The following COQ6 variants were observed in gnomAD, a reference collection of about 807,000 sequenced individuals.
COQ6 encodes ubiquinone biosynthesis monooxygenase COQ6, mitochondrial.
Under a neutral mutation model 55.5 loss-of-function variants are expected in COQ6, and 45 were observed. The observed-to-expected ratio is 0.81, with a 90% CI of 0.64 to 1.04. COQ6 has a LOEUF of 1.04. Among genes scored for constraint, COQ6 ranks in the 50% least tolerant of loss-of-function variants. COQ6 has a pLI of 0.00. For synonymous variants in COQ6, 206 were observed against 230.5 expected (o/e 0.89, Z 0.96); for missense variants, 550 against 601.3 (o/e 0.91, Z 0.89).
intron 5 of COQ6, 46 bp downstream of exon 5, chr14:73,958,323 C>G (rs909980926): frequency 5.0e-6 from 8 of 1,612,278 alleles, no homozygotes; most frequent in Non-Finnish European, 6.8e-6. Context: ...ATATCTACAT[C>G]TTATCCTAGA....
At position 73,954,843 on chromosome 14, in the gene COQ6, C is replaced by CAA. The variant is rs1216623718; in HGVS notation, c.299-590_299-589dup. Among the ~76,000 whole-genome samples the CAA allele has an allele frequency of 8.0e-4, 45 of 56,264 alleles. 2 individuals carry two copies. Among genetic ancestry groups the CAA allele is most frequent in the East Asian group, 1.7e-3 (4 of 2,414 alleles). 36.9% of individuals were successfully genotyped at this position (56,264 alleles called of 152,430 possible). ...TGGGCTACAGAGCGAGATTCCGTCT[C>CAA]AAAAAAAAAAAAAAAAAAATACATG... On this transcript the variant is annotated intron_variant, in intron 2 of 11. Transcript: ENST00000334571.
chr14:73,952,692 T>G (rs2056248792), intron 1 of COQ6, among the ~76,000 whole-genome samples: 2 of 152,170 alleles, frequency 1.3e-5, no homozygotes, highest in Admixed American at 1.3e-4. Flanking sequence ...TTTTATAAAC[T>G]CTAATTCTTT....
intron 1 of COQ6, among the ~76,000 whole-genome samples, chr14:73,953,088 T>C (rs752025264): frequency 6.6e-6 from 1 of 152,220 alleles, no homozygotes; most frequent in African/African-American, 2.4e-5. Flanking sequence ...GACTTAATAC[T>C]CTGGAGATTG....
At position 73,961,905 on chromosome 14, in the gene COQ6, T is replaced by A. The variant is rs768504874; in HGVS notation, c.1377+2T>A. On this transcript the variant is annotated splice_donor_variant, in intron 11 of 11. Coordinates refer to ENST00000334571, the MANE Select transcript of COQ6 (RefSeq NM_182476.3). LOFTEE classifies it high-confidence loss of function. The stretch of plus-strand genomic sequence containing the variant: ...ACAAATGCAGTGTCTCCACTCAAAG[T>A]AAGAGGTTGCTCAGAGGAATGACTT... 4 of 1,614,154 alleles carry A rather than the reference T, an allele frequency of 2.5e-6. No homozygotes were observed. The highest frequency in any genetic ancestry group is 2.5e-6 in the Non-Finnish European group (3 of 1,179,990).
In COQ6 at chr14:73,955,324, CA is replaced by C. The variant is rs1047757880; in HGVS notation, c.299-125del. 29 of 777,470 alleles carry C rather than the reference CA, an allele frequency of 3.7e-5. No homozygotes were observed. The African/African-American group carries it at 4.1e-4, about 11-fold the overall frequency. The allele number at this position is 777,470 out of a possible 1,614,324, so 48.2% of individuals were successfully genotyped here. ...GAGTAGCTTAGGTACTAACATCAAA[CA>C]AGATAGAAGTGGAGAGTATTATTGA... On this transcript the variant is annotated intron_variant, in intron 2 of 11. Coordinates refer to ENST00000334571, the MANE Select transcript of COQ6 (RefSeq NM_182476.3).
chr14:73,958,621 C>G (rs1161649423), intron 5 of COQ6: 1 of 1,289,632 alleles, frequency 7.8e-7, no homozygotes, highest in African/African-American at 1.5e-5. Context: ...ACAAGCTTCC[C>G]TTTTTGCATG....
At chr14:73,960,275 A>G in intron 8 of COQ6, 1 of 986,150 alleles carries the variant, frequency 1.0e-6, no homozygotes, top group Non-Finnish European at 1.2e-6. Context: ...AGGATTGAAT[A>G]AAGACTTTCA....
intron 1 of COQ6, among the ~76,000 whole-genome samples, chr14:73,952,315 G>A (rs1265888387): frequency 6.6e-6 from 1 of 151,568 alleles, no homozygotes; most frequent in Non-Finnish European, 1.5e-5. Context: ...TAGAGATGGG[G>A]TTTCACCATG....
In COQ6 at chr14:73,961,888, A is replaced by G. The variant is rs769241038; in HGVS notation, c.1362A>G (p.Ala454=). ...LRTWGLQATN[A]VSPLKEQIMA... is the part of the protein sequence containing the mutation. ...CGTGGGGCTTGCAGGCCACAAATGC[A>G]GTGTCTCCACTCAAAGTAAGAGGTT... The change falls in exon 11 of 12, where the codon GCA becomes GCG. Residue 454 remains alanine (A), a synonymous_variant. Transcript: ENST00000334571. 1 of 1,614,166 alleles carries G rather than the reference A, an allele frequency of 6.2e-7. No homozygotes were observed. Among genetic ancestry groups the G allele is most frequent in the East Asian group, 2.2e-5 (1 of 44,862 alleles).
In COQ6 at chr14:73,961,279, C is replaced by T. The variant is rs749155375; in HGVS notation, c.998C>T (p.Pro333Leu). 6.2e-7 allele frequency: 1 copy of T among 1,614,212 alleles called. No individual in the cohort carries two copies. Among genetic ancestry groups the T allele is most frequent in the South Asian group, 1.1e-5 (1 of 91,078 alleles). ...PTKVSARQLP[P>L]SVARVDAKSR... ...AAGGTCTCGGCTCGCCAGCTGCCCC[C>T]AAGCGTAGCCAGGGTGGATGCCAAA... Residue 333 changes from proline (P) to leucine (L), a missense_variant, in exon 9 of 12, where the codon CCA (proline) becomes CTA (leucine). By Grantham distance (98) the Pro-to-Leu change is moderately conservative. Transcript: ENST00000334571.
In COQ6 at chr14:73,955,746, C is replaced by G. The variant is rs1182318832; in HGVS notation, c.358-59C>G. On this transcript the variant is annotated intron_variant, in intron 3 of 11. Transcript: ENST00000334571. ...GTCACTTGGGAAAGCAATATTGTTT[C>G]TGATTGGAGTGATGTTTCCCTCTTG... 4.3e-6 allele frequency: 7 copies of G among 1,612,438 alleles called. No homozygotes were observed. The East Asian group carries it at 1.6e-4, about 36-fold the overall frequency.
intron 1 of COQ6, among the ~76,000 whole-genome samples, chr14:73,951,325 T>C (rs1016596449): frequency 3.3e-5 from 5 of 152,042 alleles, no homozygotes; most frequent in African/African-American, 7.2e-5. Flanking sequence ...ATAAGTCCCT[T>C]ATCTGATAAA....
At chr14:73,956,840 G>A (rs2056459301) in intron 4 of COQ6, 1 of 152,118 alleles carries the variant, frequency 6.6e-6, no homozygotes. Context: ...ATATTGGATA[G>A]TAGTTCATGC....
At chr14:73,952,322 C>T (rs2056234843) in intron 1 of COQ6, among the ~76,000 whole-genome samples, 1 of 151,680 alleles carries the variant, frequency 6.6e-6, no homozygotes, top group African/African-American at 2.4e-5. Flanking sequence ...GGGGTTTCAC[C>T]ATGTTGCCCA....
chr14:73,957,130 C>T (rs1029440165), intron 4 of COQ6, among the ~76,000 whole-genome samples: 15 of 150,986 alleles, frequency 9.9e-5, no homozygotes, highest in Admixed American at 9.9e-4. Context: ...TGGAGTCTCG[C>T]TCTGTCGCCC....
Position 73,961,612 on chromosome 14 carries a change from T to C in COQ6, c.1210+42T>C, listed in dbSNP as rs377363165. 63 of 1,609,784 alleles carry C rather than the reference T, an allele frequency of 3.9e-5. 1 individual carries two copies. The Middle Eastern group carries it at 5.0e-4, about 13-fold the overall frequency. ...TATGGGGAAGTATCCAGAGGTCATA[T>C]AGTTAGGCAAGATCAGGGCCCACAG... On this transcript the variant is annotated intron_variant, in intron 10 of 11. Transcript: ENST00000334571.
At chr14:73,953,673 T>C in intron 2 of COQ6, 104 bp downstream of exon 2, 1 of 1,478,362 alleles carries the variant, frequency 6.8e-7, no homozygotes, top group South Asian at 1.1e-5. Flanking sequence ...AGGAGGGAGC[T>C]CACTGAGGTG....
At chr14:73,950,558 T>G in intron 1 of COQ6, 63 bp downstream of exon 1, 2 of 1,544,016 alleles carry the variant, frequency 1.3e-6, no homozygotes, top group Non-Finnish European at 8.8e-7. Flanking sequence ...ATGAGAGCCG[T>G]GAGAGCCCTA....
rs547513978 is a variant in COQ6 at position 73,959,629 on chromosome 14, G to A, written c.891+107G>A. On this transcript the variant is annotated intron_variant, in intron 8 of 11. Coordinates refer to ENST00000334571, the MANE Select transcript of COQ6 (RefSeq NM_182476.3). ...CCTTGCCAGGCTGGAGCGCAGTGGCGCGATCTTGGCTCACTGTGCAATCTC... is the reference window on the plus strand; with the variant it reads ...CCTTGCCAGGCTGGAGCGCAGTGGCACGATCTTGGCTCACTGTGCAATCTC... 2.3e-5 allele frequency: 36 copies of A among 1,566,618 alleles called. No homozygotes were observed. The East Asian group carries it at 4.9e-4, about 21-fold the overall frequency.
Sources: allele counts gnomAD v4.1 joint callset (sites outside exome capture counted in the v4.1 genomes callset), GRCh38; gene constraint gnomAD v4.1.1; transcripts MANE v1.5; gene names NCBI Gene and HGNC (gene_info 2026-07-23, HGNC 2026-07-21).